STAG1: variants seen among roughly 807,000 people sequenced by gnomAD.
STAG1 encodes STAG1 cohesin complex component.
STAG1 carries 26 observed loss-of-function variants against 170.9 expected under a neutral mutation model. The observed-to-expected ratio is 0.15, with a 90% CI of 0.11 to 0.21. The LOEUF is 0.21. STAG1 is among the 10% of genes least tolerant of loss of function. The pLI is 1.00. For synonymous variants in STAG1, 514 were observed against 497.7 expected, an observed-to-expected ratio of 1.03 and a Z score of -0.44; for missense variants, 964 against 1,509.5, an observed-to-expected ratio of 0.64 and a Z score of 5.99.
intron 1 of STAG1, among the ~76,000 whole-genome samples, chr3:136,731,366 AGAAAAAGCTG>A (rs1378208438): frequency 2.0e-5 from 3 of 152,248 alleles, no homozygotes; most frequent in Admixed American, 2.0e-4. Context: ...CAGGTAAACT[AGAAAAAGCTG>A]GAAAAAGCAA....
chr3:136,648,736 G>A (rs979093010), intron 1 of STAG1, among the ~76,000 whole-genome samples: 1 of 151,754 alleles, frequency 6.6e-6, no homozygotes, highest in African/African-American at 2.4e-5. Context: ...TATTTTACCT[G>A]TAAAATGTAT....
At chr3:136,517,193 G>C (rs998766482) in intron 7 of STAG1, among the ~76,000 whole-genome samples, 3 of 152,110 alleles carry the variant, frequency 2.0e-5, no homozygotes, top group African/African-American at 7.2e-5. Flanking sequence ...ATGAAGACTG[G>C]CCTTGTGATG....
chr3:136,396,180 G>T lies in STAG1; in HGVS notation c.2277+2569C>A, dbSNP rs560668273. ...GTCTCCCAAAGTGCTACGATTACAG[G>T]CGTGAGCCGCCAGGCCCAGTGTAAC... On this transcript the variant is annotated intron_variant, in intron 22 of 33. Coordinates refer to ENST00000383202, the MANE Select transcript of STAG1 (RefSeq NM_005862.3). Among the ~76,000 whole-genome samples the T allele has an allele frequency of 5.3e-5, 8 of 151,138 alleles. 1 individual carries two copies. In the South Asian group the frequency reaches 1.7e-3, roughly 32 times the overall value.
At position 136,604,450 on chromosome 3, in the gene STAG1, T is replaced by G; in HGVS notation, c.156A>C (p.Lys52Asn). ...CAATTCTGCTCTTCTCACCTGGAGA[T>G]TTTCGAGGTTTCTTATTTGTAGACT... ...RPPSTNKKPRKSPGEKSRIEA... is the reference protein window; with the variant it reads ...RPPSTNKKPRNSPGEKSRIEA... Residue 52 changes from lysine (K) to asparagine (N), a missense_variant, in exon 4 of 34, where the codon AAA becomes AAC. By Grantham distance (94) the Lys-to-Asn change is moderately conservative (BLOSUM62 0). Around this residue, in one of 11 missense-constraint regions of STAG1, gnomAD observed 108 missense variants for 120.2 expected, o/e 0.90. Transcript: ENST00000383202. The G allele has an allele frequency of 6.2e-7, 1 of 1,600,812 alleles. No individual in the cohort carries two copies. Among genetic ancestry groups the G allele is most frequent in the South Asian group, 1.1e-5 (1 of 87,698 alleles).
At chr3:136,547,269 G>A (rs1576593157) in intron 5 of STAG1, among the ~76,000 whole-genome samples, 3 of 152,208 alleles carry the variant, frequency 2.0e-5, no homozygotes, top group South Asian at 4.2e-4. Flanking sequence ...CACAACTAAT[G>A]AGCCAATACT....
intron 1 of STAG1, among the ~76,000 whole-genome samples, chr3:136,681,784 G>A (rs538646400): frequency 1.3e-5 from 2 of 152,138 alleles, no homozygotes; most frequent in African/African-American, 4.8e-5. Context: ...GGAGTCACAT[G>A]ATCATCTCAA....
At chr3:136,359,936 G>T (rs1468435431) in intron 26 of STAG1, among the ~76,000 whole-genome samples, 3 of 152,096 alleles carry the variant, frequency 2.0e-5, no homozygotes, top group South Asian at 2.1e-4. Flanking sequence ...GGGTTAAGAG[G>T]TTTGTTTTTT....
At chr3:136,505,705 A>G (rs1416714392) in intron 7 of STAG1, among the ~76,000 whole-genome samples, 1 of 152,212 alleles carries the variant, frequency 6.6e-6, no homozygotes, top group Non-Finnish European at 1.5e-5. Context: ...TTTACATTCT[A>G]GTGAGGAAAA....
chr3:136,528,927 C>T (rs1247803989), intron 6 of STAG1, among the ~76,000 whole-genome samples: 1 of 151,260 alleles, frequency 6.6e-6, no homozygotes, highest in Non-Finnish European at 1.5e-5. Flanking sequence ...AAGACCCTGA[C>T]TGAAAAAGCA....
intron 1 of STAG1, among the ~76,000 whole-genome samples, chr3:136,674,575 G>GAC (rs1181839227): frequency 1.1e-4 from 16 of 152,252 alleles, no homozygotes; most frequent in Middle Eastern, 3.4e-3. Flanking sequence ...ACTGGTGGTG[G>GAC]TAGTTACAAA....
chr3:136,522,238 T>C (rs528908978), intron 6 of STAG1, among the ~76,000 whole-genome samples: 2 of 152,340 alleles, frequency 1.3e-5, no homozygotes, highest in East Asian at 3.9e-4. Context: ...AAATGAGGCC[T>C]TGAGCTCTAC....
At chr3:136,673,103 G>C (rs944385365) in intron 1 of STAG1, among the ~76,000 whole-genome samples, 1 of 152,186 alleles carries the variant, frequency 6.6e-6, no homozygotes, top group African/African-American at 2.4e-5. Context: ...ATAAGAATTC[G>C]TTTTAATATC....
At chr3:136,442,716 G>T (rs184394328) in intron 15 of STAG1, among the ~76,000 whole-genome samples, 1 of 151,494 alleles carries the variant, frequency 6.6e-6, no homozygotes, top group Non-Finnish European at 1.5e-5. Flanking sequence ...ATTAAGTTAC[G>T]TCAGTATTTT....
intron 23 of STAG1, among the ~76,000 whole-genome samples, chr3:136,377,421 T>C (rs1030209564): frequency 3.0e-5 from 4 of 134,156 alleles, no homozygotes; most frequent in Non-Finnish European, 4.7e-5. Context: ...CATTTCAACC[T>C]GCCCTTCCAG....
chr3:136,682,367 G>A (rs1942363971), intron 1 of STAG1, among the ~76,000 whole-genome samples: 1 of 151,712 alleles, frequency 6.6e-6, no homozygotes, highest in South Asian at 2.1e-4. Flanking sequence ...AGAGGTTGCA[G>A]TGAGCCAAGA....
chr3:136,462,957 C>T (rs2089315052), intron 13 of STAG1, among the ~76,000 whole-genome samples: 1 of 152,046 alleles, frequency 6.6e-6, no homozygotes. Flanking sequence ...ATTTTTCTCT[C>T]TGAAACTACA....
At chr3:136,358,794 G>A (rs918305130) in intron 27 of STAG1, among the ~76,000 whole-genome samples, 15 of 151,884 alleles carry the variant, frequency 9.9e-5, no homozygotes, top group Admixed American at 5.2e-4. Flanking sequence ...GGCTAGTCTC[G>A]AACTCCTGGC....
chr3:136,405,367 G>C (rs955003520), intron 21 of STAG1, among the ~76,000 whole-genome samples: 1 of 147,572 alleles, frequency 6.8e-6, no homozygotes, highest in African/African-American at 2.5e-5. Context: ...TCAGCTTTCC[G>C]AGTAGCTAGG....
intron 13 of STAG1, among the ~76,000 whole-genome samples, chr3:136,460,755 T>C (rs1010612341): frequency 1.4e-4 from 21 of 150,772 alleles, no homozygotes; most frequent in Admixed American, 5.3e-4. Flanking sequence ...AAAGAAGAAC[T>C]AACACCAATT....
Sources: allele counts gnomAD v4.1 joint callset (sites outside exome capture counted in the v4.1 genomes callset), GRCh38; gene constraint gnomAD v4.1.1; regional missense constraint gnomAD v4.1.1; transcripts MANE v1.5; gene names NCBI Gene and HGNC (gene_info 2026-07-23, HGNC 2026-07-21).